Variants in JAM2 observed in about 807,000 individuals in gnomAD.
JAM2 encodes junctional adhesion molecule B.
JAM2 carries 17 observed loss-of-function variants against 42.0 expected under a neutral mutation model. The observed-to-expected ratio is 0.40, with a 90% confidence interval of 0.28 to 0.61. The LOEUF is 0.61. Among genes scored for constraint, JAM2 ranks in the 20% least tolerant of loss-of-function variants. The pLI is 0.37. For missense variants in JAM2, 319 were observed against 358.3 expected (o/e 0.89, Z 0.89); for synonymous variants, 118 against 128.6 (o/e 0.92, Z 0.56).
At chr21:25,664,896 T>C (rs1356844930) in intron 1 of JAM2, among the ~76,000 whole-genome samples, 1 of 152,228 alleles carries the variant, frequency 6.6e-6, no homozygotes, top group East Asian at 1.9e-4. Flanking sequence ...CTGTATCCCT[T>C]TGTGAAACAC....
At chr21:25,706,223 G>T in intron 7 of JAM2, 137 bp downstream of exon 7, 2 of 624,284 alleles carry the variant, frequency 3.2e-6, no homozygotes, top group Non-Finnish European at 5.8e-6. Flanking sequence ...CTGTTGCCCA[G>T]GCTGGAGTGC....
intron 1 of JAM2, among the ~76,000 whole-genome samples, chr21:25,641,873 A>T (rs1215082875): frequency 6.6e-6 from 1 of 151,980 alleles, no homozygotes; most frequent in African/African-American, 2.4e-5. Flanking sequence ...GCTTTCTCTT[A>T]CTATAATGGG....
chr21:25,687,705 GGGCCTA>G (rs1376292966), intron 2 of JAM2, among the ~76,000 whole-genome samples: 1 of 152,150 alleles, frequency 6.6e-6, no homozygotes, highest in African/African-American at 2.4e-5. Flanking sequence ...TAGTACCCAA[GGGCCTA>G]GGCACTGGCT....
At chr21:25,699,292 G>A (rs1467374971) in intron 5 of JAM2, among the ~76,000 whole-genome samples, 1 of 152,140 alleles carries the variant, frequency 6.6e-6, no homozygotes, top group Non-Finnish European at 1.5e-5. Context: ...TTTATTATTT[G>A]CTGCTGCAGT....
intron 1 of JAM2, among the ~76,000 whole-genome samples, chr21:25,659,174 T>C (rs1447140598): frequency 6.6e-6 from 1 of 151,980 alleles, no homozygotes; most frequent in African/African-American, 2.4e-5. Flanking sequence ...AAGGGGTTTA[T>C]TATCCAATTT....
intron 8 of JAM2, among the ~76,000 whole-genome samples, chr21:25,710,505 C>A (rs527310798): frequency 2.0e-4 from 31 of 152,174 alleles, no homozygotes; most frequent in Non-Finnish European, 4.4e-4. Context: ...CAGAAAGGAT[C>A]TCACTAAGTG....
chr21:25,694,841 A>AT (rs985517319), intron 4 of JAM2, among the ~76,000 whole-genome samples: 5 of 147,562 alleles, frequency 3.4e-5, no homozygotes, highest in East Asian at 2.0e-4. Context: ...TTCTCAAAAA[A>AT]AAAAAAAATA....
chr21:25,706,111 G>C (rs918688073), intron 7 of JAM2, 25 bp downstream of exon 7: 7 of 1,408,028 alleles, frequency 5.0e-6, no homozygotes, highest in Admixed American at 1.7e-5. Flanking sequence ...CCCTTCTTTG[G>C]CAGATAACTT....
chr21:25,692,502 C>T (rs2033904814), intron 3 of JAM2: 1 of 189,220 alleles, frequency 5.3e-6, no homozygotes, highest in Non-Finnish European at 1.1e-5. Flanking sequence ...GTCTGAGTAC[C>T]TGATGGAGTG....
At chr21:25,709,958 T>A (rs2034349001) in intron 8 of JAM2, 1 of 152,598 alleles carries the variant, frequency 6.6e-6, no homozygotes, top group African/African-American at 2.4e-5. Context: ...CCTCCAACAT[T>A]GGGGATTACA....
At chr21:25,688,822 A>G (rs2033812777) in intron 2 of JAM2, among the ~76,000 whole-genome samples, 1 of 152,224 alleles carries the variant, frequency 6.6e-6, no homozygotes, top group Non-Finnish European at 1.5e-5. Flanking sequence ...TATGAAAAGG[A>G]TTTTAAAATA....
chr21:25,639,495 C>T lies in JAM2; in HGVS notation c.-327C>T, dbSNP rs1295502191. The T allele has an allele frequency of 1.9e-5, 5 of 263,030 alleles. No individual in the cohort carries two copies. Among genetic ancestry groups the T allele is most frequent in the African/African-American group, 2.2e-5 (1 of 45,258 alleles). 16.3% of individuals were successfully genotyped at this position (263,030 alleles called of 1,614,324 possible). On this transcript the variant is annotated 5_prime_UTR_variant, in exon 1 of 10. Coordinates refer to ENST00000480456, the MANE Select transcript of JAM2 (RefSeq NM_021219.4). ...GAGGGACGACCCGCCGGGGCTTTCC[C>T]GGGCGCTGCTCTCCTCCTGCTGCCC... is the stretch of plus-strand genomic sequence containing the variant.
At chr21:25,702,768 C>T (rs546076304) in intron 6 of JAM2, among the ~76,000 whole-genome samples, 3 of 152,284 alleles carry the variant, frequency 2.0e-5, no homozygotes, top group African/African-American at 7.2e-5. Flanking sequence ...AAATTCATCA[C>T]AACATGTTTA....
chr21:25,672,863 C>T (rs1369874232), intron 1 of JAM2, among the ~76,000 whole-genome samples: 1 of 152,188 alleles, frequency 6.6e-6, no homozygotes, highest in East Asian at 1.9e-4. Flanking sequence ...TGGTAACTTA[C>T]TCTTAAGGAG....
chr21:25,667,252 G>A (rs1004705489), intron 1 of JAM2, among the ~76,000 whole-genome samples: 2 of 152,190 alleles, frequency 1.3e-5, no homozygotes, highest in Admixed American at 6.5e-5. Context: ...GCCTGTTCCT[G>A]TCATCCAATC....
chr21:25,702,104 G>C, intron 5 of JAM2, 66 bp from the exon 6 acceptor site: 1 of 781,966 alleles, frequency 1.3e-6, no homozygotes, highest in South Asian at 2.6e-5. Flanking sequence ...TGAGGGACAG[G>C]GTTATTTAAA....
chr21:25,655,772 A>G (rs574165172), intron 1 of JAM2, among the ~76,000 whole-genome samples: 12 of 150,042 alleles, frequency 8.0e-5, no homozygotes, highest in African/African-American at 2.9e-4. Context: ...CTGGGATTAC[A>G]GGTGTGAGCC....
intron 6 of JAM2, among the ~76,000 whole-genome samples, chr21:25,703,127 C>T (rs2034202747): frequency 6.6e-6 from 1 of 152,224 alleles, no homozygotes; most frequent in Non-Finnish European, 1.5e-5. Context: ...GCTGGGATTA[C>T]AGGTGTGAGC....
chr21:25,689,871 AT>A lies in JAM2; in HGVS notation c.143del (p.Leu48Ter), dbSNP rs1601038626. 1 of 1,607,200 alleles carries A rather than the reference AT, an allele frequency of 6.2e-7. No individual in the cohort carries two copies. On this transcript the variant is annotated frameshift_variant, in exon 3 of 10. Coordinates refer to ENST00000480456, the MANE Select transcript of JAM2 (RefSeq NM_021219.4). LOFTEE classifies it high-confidence loss of function. ...ATTTTTATTGTTGTTCCTAGAGGCT[AT>A]TTTAGCCTGCAAAACCCCAAAGAAG... ...VVTAVEYQEAILACKTPKKTV... is the reference protein window; with the variant it reads ...VVTAVEYQEAXLACKTPKKTV...
Sources: gnomAD v4.1 joint callset for allele counts (sites outside exome capture counted in the v4.1 genomes callset) on GRCh38, gnomAD v4.1.1 for gene constraint, MANE v1.5 for transcripts, NCBI Gene and HGNC (gene_info 2026-07-23, HGNC 2026-07-21) for gene names.